Variants in APP observed in about 807,000 individuals in gnomAD.
APP encodes amyloid beta precursor protein, also known as amyloid-beta precursor protein.
Under a neutral mutation model 101.4 loss-of-function variants are expected in APP, and 31 were observed. The ratio of observed to expected loss-of-function variants is 0.31; its 90% CI spans 0.23 to 0.41. The LOEUF is 0.41. APP is among the 10% of genes least tolerant of loss of function. APP has a pLI of 1.00. For missense variants in APP, 839 were observed against 1,003.7 expected, an observed-to-expected ratio of 0.84 and a Z score of 2.22; for synonymous variants, 366 against 364.4, an observed-to-expected ratio of 1.00 and a Z score of -0.05.
At chr21:26,144,906 T>G (rs924294871) in intron 1 of APP, among the ~76,000 whole-genome samples, 1 of 152,222 alleles carries the variant, frequency 6.6e-6, no homozygotes, top group Non-Finnish European at 1.5e-5. Flanking sequence ...TCCAGTACTT[T>G]CAAAAGCAAG....
At chr21:26,157,824 A>G (rs1022309031) in intron 1 of APP, among the ~76,000 whole-genome samples, 1 of 152,230 alleles carries the variant, frequency 6.6e-6, no homozygotes, top group Non-Finnish European at 1.5e-5. Context: ...CAGCAAGCAT[A>G]AACAGATTTG....
intron 8 of APP, among the ~76,000 whole-genome samples, chr21:25,995,701 G>GT (rs1463139421): frequency 1.3e-5 from 2 of 152,182 alleles, no homozygotes; most frequent in Non-Finnish European, 2.9e-5. Context: ...CCCACTTGCT[G>GT]TACTTACAGT....
chr21:26,092,613 T>G (rs1321315612), intron 2 of APP, among the ~76,000 whole-genome samples: 1 of 152,322 alleles, frequency 6.6e-6, no homozygotes, highest in South Asian at 2.1e-4. Context: ...ACATATGTCA[T>G]TATACATTTG....
At chr21:25,890,712 G>A (rs1383087335) in intron 17 of APP, among the ~76,000 whole-genome samples, 3 of 108,258 alleles carry the variant, frequency 2.8e-5, no homozygotes, top group Admixed American at 1.2e-4. Flanking sequence ...GCAACAGCGC[G>A]AGACTGTCTC....
chr21:25,914,623 G>A (rs925588079), intron 13 of APP, among the ~76,000 whole-genome samples: 1 of 130,216 alleles, frequency 7.7e-6, no homozygotes, highest in South Asian at 2.4e-4. Context: ...GCGCAATCTC[G>A]GCTCACTGCA....
intron 3 of APP, among the ~76,000 whole-genome samples, chr21:26,084,276 T>C (rs1186507972): frequency 7.3e-6 from 1 of 136,704 alleles, no homozygotes; most frequent in Non-Finnish European, 1.5e-5. Context: ...TCTCGCTCTG[T>C]CCCCCAGGCT....
intron 1 of APP, among the ~76,000 whole-genome samples, chr21:26,125,966 A>G (rs991295655): frequency 2.6e-5 from 4 of 152,234 alleles, no homozygotes; most frequent in Non-Finnish European, 5.9e-5. Context: ...CCCCCGACGG[A>G]TGTCTTTTTG....
chr21:25,976,264 T>C (rs530920658), intron 9 of APP, among the ~76,000 whole-genome samples: 7 of 152,246 alleles, frequency 4.6e-5, no homozygotes, highest in Admixed American at 1.3e-4. Flanking sequence ...TATAGCTTTT[T>C]GAGTCAAGGT....
intron 11 of APP, among the ~76,000 whole-genome samples, chr21:25,963,854 C>T (rs216762): frequency 0.53 from 80,105 of 151,950 alleles, 22,122 homozygotes; most frequent in African/African-American, 0.67. Flanking sequence ...AAAATTTATC[C>T]ACCTTCCTTT....
At position 26,170,700 on chromosome 21, in the gene APP, G is replaced by T; in HGVS notation, c.-80C>A. 7.2e-7 allele frequency: 1 copy of T among 1,395,186 alleles called. No homozygotes were observed. The allele number at this position is 1,395,186 out of a possible 1,614,324, so 86.4% of individuals were successfully genotyped here. A position where few individuals can be genotyped will look rare whatever the true frequency, so the allele number is the denominator to read the frequency against. ...TCCTTGCTCTGCCCGCGCCGCCACC[G>T]CCGCCGTCTCCCGGGGCCCCCGCGC... On this transcript the variant is annotated 5_prime_UTR_variant, in exon 1 of 18. Coordinates refer to ENST00000346798, the MANE Select transcript of APP (RefSeq NM_000484.4).
At chr21:26,026,939 A>G (rs1381877884) in intron 5 of APP, among the ~76,000 whole-genome samples, 2 of 152,248 alleles carry the variant, frequency 1.3e-5, no homozygotes, top group African/African-American at 2.4e-5. Flanking sequence ...GTGCAAGTGT[A>G]TGAACAGGGA....
chr21:25,918,418 C>T (rs1386491612), intron 13 of APP, among the ~76,000 whole-genome samples: 1 of 152,166 alleles, frequency 6.6e-6, no homozygotes, highest in Admixed American at 6.6e-5. Context: ...CTACAGCTCC[C>T]AGCGTGAGCG....
At chr21:25,940,773 TGA>T (rs1194046382) in intron 13 of APP, among the ~76,000 whole-genome samples, 1 of 152,232 alleles carries the variant, frequency 6.6e-6, no homozygotes, top group African/African-American at 2.4e-5. Flanking sequence ...TTTAATGAGT[TGA>T]TTAGTCTCTA....
chr21:25,960,853 GATTTGGCCACCTAA>G, intron 11 of APP, among the ~76,000 whole-genome samples: 1 of 152,282 alleles, frequency 6.6e-6, no homozygotes, highest in East Asian at 1.9e-4. Context: ...CTGCTTCATT[GATTTGGCCACCTAA>G]ACACATCTCT....
chr21:26,000,036 T>C lies in APP; in HGVS notation c.1012A>G (p.Met338Val), dbSNP rs200074159. Residue 338 changes from methionine to valine, a missense_variant, in exon 7 of 18, where the codon ATG becomes GTG. Met to Val is a conservative substitution (Grantham distance 21). Coordinates refer to ENST00000346798, the MANE Select transcript of APP (RefSeq NM_000484.4). Reference sequence around the variant, plus strand: ...TTACTGGCGCTGCCACACACGGCCATGCAGTACTCTTCTGTGTCAAAGTTG... The same window carrying C: ...TTACTGGCGCTGCCACACACGGCCACGCAGTACTCTTCTGTGTCAAAGTTG... ...RNNFDTEEYC[M>V]AVCGSAMSQS... The C allele has an allele frequency of 1.2e-4, 200 of 1,613,972 alleles. No homozygotes were observed. The highest frequency in any genetic ancestry group is 1.7e-4 in the Non-Finnish European group (196 of 1,180,004).
chr21:25,962,929 C>T (rs1261442308), intron 11 of APP, among the ~76,000 whole-genome samples: 2 of 152,140 alleles, frequency 1.3e-5, no homozygotes, highest in African/African-American at 2.4e-5. Flanking sequence ...TCTCTTGCCC[C>T]AGCCTCTTGA....
chr21:26,008,020 C>CA (rs1336334086), intron 6 of APP, among the ~76,000 whole-genome samples: 1 of 152,066 alleles, frequency 6.6e-6, no homozygotes, highest in Non-Finnish European at 1.5e-5. Flanking sequence ...AAAGATGATG[C>CA]AAACAGCTGT....
intron 3 of APP, among the ~76,000 whole-genome samples, chr21:26,064,718 C>G (rs2046393508): frequency 6.6e-6 from 1 of 152,184 alleles, no homozygotes; most frequent in Non-Finnish European, 1.5e-5. Context: ...TAACTCATAA[C>G]AAAGGGTCTC....
chr21:25,883,303 G>A (rs993665619), intron 17 of APP, among the ~76,000 whole-genome samples: 7 of 152,054 alleles, frequency 4.6e-5, no homozygotes, highest in African/African-American at 1.7e-4. Flanking sequence ...CTCCACAGGC[G>A]GAGGCAGGAG....
Sources: gnomAD v4.1 joint callset for allele counts (sites outside exome capture counted in the v4.1 genomes callset) on GRCh38, gnomAD v4.1.1 for gene constraint, MANE v1.5 for transcripts, NCBI Gene and HGNC (gene_info 2026-07-23, HGNC 2026-07-21) for gene names.